Variants in MORN1 observed in about 807,000 individuals in gnomAD.
MORN1 encodes the protein MORN repeat containing 1.
In MORN1, 67 loss-of-function variants were observed where a neutral mutation model predicts 61.9. The observed-to-expected ratio is 1.08, with a 90% CI of 0.89 to 1.33. The LOEUF is 1.33. Among genes scored for constraint, MORN1 ranks in the 40% most tolerant of loss-of-function variants. The probability of loss-of-function intolerance (pLI) is 0.00; values close to 1 mark genes in which losing one functional copy is unlikely to be tolerated. For synonymous variants in MORN1, 301 were observed against 292.0 expected (o/e 1.03, Z -0.31); for missense variants, 752 against 691.2 (o/e 1.09, Z -0.99).
intron 10 of MORN1, chr1:2,351,551 C>A (rs2036082): frequency 5.0e-6 from 1 of 201,260 alleles, no homozygotes; most frequent in Non-Finnish European, 1.0e-5. Context: ...CAGCACATTG[C>A]GCTTCTTGTC....
chr1:2,368,657 A>T (rs1299942381), intron 8 of MORN1, among the ~76,000 whole-genome samples: 1 of 152,172 alleles, frequency 6.6e-6, no homozygotes, highest in Non-Finnish European at 1.5e-5. Flanking sequence ...TAAGATCTAC[A>T]AATGGCCCAT....
chr1:2,343,486 G>A (rs1470055433), intron 10 of MORN1, among the ~76,000 whole-genome samples: 1 of 152,216 alleles, frequency 6.6e-6, no homozygotes, highest in Non-Finnish European at 1.5e-5. Context: ...TGATCCTCTG[G>A]GGGTGCTGTG....
At chr1:2,351,986 T>A in intron 10 of MORN1, 1 of 515,872 alleles carries the variant, frequency 1.9e-6, no homozygotes. Flanking sequence ...GCATGCCCCC[T>A]CCAGGAATGA....
intron 10 of MORN1, chr1:2,355,536 G>A: frequency 6.6e-7 from 1 of 1,520,088 alleles, no homozygotes; most frequent in South Asian, 1.2e-5. Context: ...GTTTCTGGGG[G>A]CAGGGGCACG....
At position 2,387,390 on chromosome 1, in the gene MORN1, A is replaced by T. The variant is rs915861197; in HGVS notation, c.358+29T>A. ...CCATGTCCTGAAAGCGCCCACCCTC[A>T]CAGCACCCGGCTCCTGTGGGCGCCA... On this transcript the variant is annotated intron_variant, in intron 4 of 13. Coordinates refer to ENST00000378531, the MANE Select transcript of MORN1 (RefSeq NM_024848.3). 15 of 1,553,742 alleles carry T rather than the reference A, an allele frequency of 9.7e-6. No individual in the cohort carries two copies. In the Admixed American group the frequency reaches 2.5e-4, roughly 26 times the overall value.
intron 1 of MORN1, among the ~76,000 whole-genome samples, chr1:2,391,100 C>T (rs1162145374): frequency 6.6e-6 from 1 of 152,250 alleles, no homozygotes; most frequent in Non-Finnish European, 1.5e-5. Flanking sequence ...TGGTGCTGCT[C>T]CTGCGCCTGC....
At chr1:2,345,106 A>G (rs1641484321) in intron 10 of MORN1, among the ~76,000 whole-genome samples, 1 of 150,858 alleles carries the variant, frequency 6.6e-6, no homozygotes, top group Admixed American at 6.6e-5. Flanking sequence ...CTCTACGCTC[A>G]TGGATGGCCA....
chr1:2,372,217 C>A lies in MORN1; in HGVS notation c.745+264G>T, dbSNP rs1642138297. ...ACATTCAGACCTGTGCACACCTGTG[C>A]AAGGCATACACACATATGCACACAC... On this transcript the variant is annotated intron_variant, in intron 8 of 13. Coordinates refer to ENST00000378531, the MANE Select transcript of MORN1 (RefSeq NM_024848.3). This position sits in a 1 kb window ranked among gnomAD's most constrained non-coding sequence, Gnocchi z 5.4. 2 of 427,194 alleles carry A rather than the reference C, an allele frequency of 4.7e-6. No individual in the cohort carries two copies. The highest frequency in any genetic ancestry group is 8.7e-6 in the Non-Finnish European group (2 of 228,680). The allele number at this position is 427,194 out of a possible 1,614,324, so 26.5% of individuals were successfully genotyped here.
intron 12 of MORN1, among the ~76,000 whole-genome samples, chr1:2,329,079 C>T (rs1641094206): frequency 6.6e-6 from 1 of 152,200 alleles, no homozygotes; most frequent in Non-Finnish European, 1.5e-5. Flanking sequence ...GGGCGGTCAG[C>T]TTCAGGCCTT....
At position 2,387,416 on chromosome 1, in the gene MORN1, G is replaced by T. The variant is rs759630060; in HGVS notation, c.358+3C>A. On this transcript the variant is annotated splice_donor_region_variant and intron_variant, in intron 4 of 13. Coordinates refer to ENST00000378531, the MANE Select transcript of MORN1 (RefSeq NM_024848.3). ...CAGCACCCGGCTCCTGTGGGCGCCA[G>T]ACCTTCCCGCATGCCGTGGGAGACC... The T allele has an allele frequency of 1.9e-6, 3 of 1,610,914 alleles. No homozygotes were observed. Among genetic ancestry groups the T allele is most frequent in the Non-Finnish European group, 1.7e-6 (2 of 1,178,210 alleles).
At chr1:2,389,537 G>A (rs1277361613) in intron 2 of MORN1, among the ~76,000 whole-genome samples, 1 of 152,200 alleles carries the variant, frequency 6.6e-6, no homozygotes, top group African/African-American at 2.4e-5. Flanking sequence ...CAAAGTACTG[G>A]GATTACAGGC....
intron 1 of MORN1, chr1:2,390,850 G>A (rs1219383222): frequency 3.2e-6 from 2 of 628,944 alleles, no homozygotes; most frequent in East Asian, 2.9e-4. Context: ...CTGGGTTCAA[G>A]CGATTCTCCT....
At chr1:2,378,888 C>T (rs924271153) in intron 6 of MORN1, 13 of 453,780 alleles carry the variant, frequency 2.9e-5, no homozygotes, top group Admixed American at 4.7e-5. Flanking sequence ...CTGTGGCTTC[C>T]GGGACCGGCC....
intron 8 of MORN1, among the ~76,000 whole-genome samples, chr1:2,368,806 C>G (rs1642047972): frequency 6.6e-6 from 1 of 152,186 alleles, no homozygotes; most frequent in Non-Finnish European, 1.5e-5. Context: ...TGCTTGTAAT[C>G]CCAGCACTTT....
At chr1:2,390,391 G>A in intron 1 of MORN1, 1 of 978,076 alleles carries the variant, frequency 1.0e-6, no homozygotes, top group Non-Finnish European at 1.2e-6. Flanking sequence ...CACAGGGGAG[G>A]AGCAGACTCT....
chr1:2,322,149 G>A (rs1372571206), intron 13 of MORN1: 5 of 985,308 alleles, frequency 5.1e-6, no homozygotes, highest in African/African-American at 1.7e-5. Flanking sequence ...GGCAGAGAAG[G>A]AAAAGTACTT....
intron 6 of MORN1, chr1:2,375,662 A>T (rs1642217650): frequency 6.6e-6 from 1 of 152,258 alleles, no homozygotes; most frequent in African/African-American, 2.4e-5. Context: ...GACAACTGGC[A>T]GCCCGCGTGG....
At chr1:2,368,373 C>T (rs1642040339) in intron 8 of MORN1, among the ~76,000 whole-genome samples, 1 of 152,216 alleles carries the variant, frequency 6.6e-6, no homozygotes, top group African/African-American at 2.4e-5. Context: ...ATATTTATAC[C>T]CACTTTTAAC....
chr1:2,336,918 G>T, intron 10 of MORN1, 68 bp from the exon 11 acceptor site: 1 of 1,449,752 alleles, frequency 6.9e-7, no homozygotes, highest in Non-Finnish European at 9.1e-7. Flanking sequence ...GCCCCACAGG[G>T]CTGTGCTGAA....
Sources: gnomAD v4.1 joint callset for allele counts (sites outside exome capture counted in the v4.1 genomes callset) on GRCh38, gnomAD v4.1.1 for gene constraint, Gnocchi (gnomAD v3.1) non-coding constraint, MANE v1.5 for transcripts, NCBI Gene and HGNC (gene_info 2026-07-23, HGNC 2026-07-21) for gene names.